The following TUSC3 variants were observed in gnomAD, a reference collection of about 807,000 sequenced individuals.
The protein encoded by TUSC3 is tumor suppressor candidate 3.
In TUSC3, 45 loss-of-function variants were observed where a neutral mutation model predicts 44.8. The observed-to-expected ratio is 1.00, with a 90% confidence interval of 0.79 to 1.29. TUSC3 has a LOEUF of 1.29. Ranked by LOEUF, TUSC3 falls within the 50% of genes most tolerant of loss-of-function variation. The pLI is 0.00. For synonymous variants in TUSC3, 212 were observed against 152.9 expected, an observed-to-expected ratio of 1.39 and a Z score of -2.85; for missense variants, 519 against 437.9, an observed-to-expected ratio of 1.19 and a Z score of -1.65.
At chr8:15,688,325 C>G (rs2129188440) in intron 6 of TUSC3, among the ~76,000 whole-genome samples, 1 of 152,108 alleles carries the variant, frequency 6.6e-6, no homozygotes. Flanking sequence ...GCATGTTTAT[C>G]AAGCATCATT....
At chr8:15,496,170 A>C (rs112201863) in intron 2 of TUSC3, among the ~76,000 whole-genome samples, 5 of 152,028 alleles carry the variant, frequency 3.3e-5, no homozygotes, top group African/African-American at 1.2e-4. Flanking sequence ...TAAATGATGT[A>C]CTCTCTGGGT....
At chr8:15,434,141 T>C (rs977856734) in intron 1 of TUSC3, among the ~76,000 whole-genome samples, 4 of 152,180 alleles carry the variant, frequency 2.6e-5, no homozygotes, top group Non-Finnish European at 5.9e-5. Flanking sequence ...ACTTAAACTT[T>C]AGCCATTCTA....
chr8:15,500,051 A>C (rs1800937956), intron 2 of TUSC3, among the ~76,000 whole-genome samples: 1 of 152,132 alleles, frequency 6.6e-6, no homozygotes, highest in African/African-American at 2.4e-5. Flanking sequence ...GTCTTGGTTC[A>C]ATTGTCTGGC....
intron 7 of TUSC3, among the ~76,000 whole-genome samples, chr8:15,739,246 AAATT>A (rs1465513383): frequency 6.6e-6 from 1 of 152,172 alleles, no homozygotes; most frequent in Non-Finnish European, 1.5e-5. Context: ...TTCACTATAT[AAATT>A]ATTCTAAAAT....
At chr8:15,618,387 T>A (rs1805090501) in intron 1 of TUSC3, among the ~76,000 whole-genome samples, 1 of 152,238 alleles carries the variant, frequency 6.6e-6, no homozygotes, top group Non-Finnish European at 1.5e-5. Flanking sequence ...TTTCTTTATA[T>A]CCTTATTCTG....
At chr8:15,591,331 G>C (rs1383674875) in intron 1 of TUSC3, among the ~76,000 whole-genome samples, 2 of 121,648 alleles carry the variant, frequency 1.6e-5, no homozygotes, top group African/African-American at 6.1e-5. Flanking sequence ...TATTTAAAAA[G>C]TTATCCTCAC....
chr8:15,550,576 C>G (rs1802027251), intron 1 of TUSC3, among the ~76,000 whole-genome samples: 1 of 151,606 alleles, frequency 6.6e-6, no homozygotes, highest in African/African-American at 2.4e-5. Flanking sequence ...CCTACCCTGC[C>G]CCCATCCCCT....
At chr8:15,581,544 C>T (rs1021855139) in intron 1 of TUSC3, among the ~76,000 whole-genome samples, 2 of 148,444 alleles carry the variant, frequency 1.3e-5, no homozygotes, top group Non-Finnish European at 3.0e-5. Context: ...ACAGACAGGA[C>T]CCTCAGCTGC....
the TUSC3 span, among the ~76,000 whole-genome samples, chr8:15,832,168 C>G: frequency 6.6e-6 from 1 of 152,220 alleles, no homozygotes; most frequent in Middle Eastern, 3.4e-3. Context: ...GAAATTCCAA[C>G]CAAGAATTCA....
intron 6 of TUSC3, among the ~76,000 whole-genome samples, chr8:15,685,570 G>A (rs1808594691): frequency 6.6e-6 from 1 of 152,092 alleles, no homozygotes; most frequent in Non-Finnish European, 1.5e-5. Flanking sequence ...CAGGGCCTGT[G>A]TTTTGAATTG....
At chr8:15,759,962 A>G (rs748822052) in intron 10 of TUSC3, among the ~76,000 whole-genome samples, 32 of 152,102 alleles carry the variant, frequency 2.1e-4, no homozygotes, top group Non-Finnish European at 4.3e-4. Flanking sequence ...TATTTGGCCT[A>G]CATTACTTTT....
At chr8:15,563,261 AG>A (rs1282720937) in intron 1 of TUSC3, among the ~76,000 whole-genome samples, 2 of 151,978 alleles carry the variant, frequency 1.3e-5, no homozygotes, top group Non-Finnish European at 2.9e-5. Context: ...TCACAGATGC[AG>A]GACCACTAGA....
chr8:15,444,725 C>T (rs979695964), intron 1 of TUSC3, among the ~76,000 whole-genome samples: 14 of 152,056 alleles, frequency 9.2e-5, no homozygotes, highest in Admixed American at 3.9e-4. Context: ...TCCCAAGTAT[C>T]GGTTCTCTAA....
At chr8:15,556,516 C>T (rs573950542) in intron 1 of TUSC3, among the ~76,000 whole-genome samples, 2 of 150,776 alleles carry the variant, frequency 1.3e-5, no homozygotes, top group African/African-American at 2.4e-5. Context: ...TGGGTATATA[C>T]CCAGTAATGG....
the TUSC3 span, among the ~76,000 whole-genome samples, chr8:15,814,110 C>G: frequency 2.0e-5 from 3 of 152,258 alleles, no homozygotes; most frequent in African/African-American, 7.2e-5. Context: ...AAATAATTTA[C>G]ACATTGTTGT....
intron 7 of TUSC3, chr8:15,733,381 C>G (rs978786711): frequency 5.0e-6 from 2 of 397,304 alleles, no homozygotes; most frequent in Non-Finnish European, 4.9e-6. Flanking sequence ...TTGTTTCAAT[C>G]CATGATGTAG....
At chr8:15,831,579 C>A in the TUSC3 span, among the ~76,000 whole-genome samples, 4 of 152,152 alleles carry the variant, frequency 2.6e-5, no homozygotes, top group South Asian at 4.1e-4. Flanking sequence ...AACAGACAGA[C>A]AAAATAGCCA....
Position 15,730,806 on chromosome 8 carries a change from A to G in TUSC3, c.862+77A>G, listed in dbSNP as rs146558467. Reference sequence around the variant, plus strand: ...TTTTTAAATTGACATTTTTCCTGGCAGTAAATATCAAGACTTTTAAGAGAC... The same window carrying G: ...TTTTTAAATTGACATTTTTCCTGGCGGTAAATATCAAGACTTTTAAGAGAC... On this transcript the variant is annotated intron_variant, in intron 7 of 10. Coordinates refer to ENST00000503731, the MANE Select transcript of TUSC3 (RefSeq NM_006765.4). 2.6e-5 allele frequency: 37 copies of G among 1,404,242 alleles called. No homozygotes were observed. The African/African-American group carries it at 4.5e-4, about 17-fold the overall frequency. 87.0% of individuals were successfully genotyped at this position (1,404,242 alleles called of 1,614,324 possible). A position where few individuals can be genotyped will look rare whatever the true frequency, so the allele number is the denominator to read the frequency against.
chr8:15,487,897 C>T (rs913347387), intron 2 of TUSC3, among the ~76,000 whole-genome samples: 8 of 134,622 alleles, frequency 5.9e-5, no homozygotes, highest in African/African-American at 2.4e-4. Context: ...AGTGTGCTGG[C>T]AATTTTTTTT....
Sources: allele counts gnomAD v4.1 joint callset (sites outside exome capture counted in the v4.1 genomes callset), GRCh38; gene constraint gnomAD v4.1.1; transcripts MANE v1.5; gene names NCBI Gene and HGNC (gene_info 2026-07-23, HGNC 2026-07-21).